The following TMEM163 variants were observed in gnomAD, a reference collection of about 807,000 sequenced individuals.
The protein encoded by TMEM163 is transmembrane protein 163.
In TMEM163, 17 loss-of-function variants were observed where a neutral mutation model predicts 29.3. The ratio of observed to expected loss-of-function variants is 0.58; its 90% CI spans 0.40 to 0.87. The LOEUF (loss-of-function observed/expected upper bound fraction) is 0.87, where lower values mean the gene tolerates loss of function less well. TMEM163 is among the 40% of genes least tolerant of loss of function. The pLI is 0.00. For missense variants in TMEM163, 303 were observed against 381.5 expected (o/e 0.79, Z 1.71); for synonymous variants, 157 against 160.6 (o/e 0.98, Z 0.17).
intron 2 of TMEM163, among the ~76,000 whole-genome samples, chr2:134,633,550 A>G (rs1683027413): frequency 6.6e-6 from 1 of 152,232 alleles, no homozygotes; most frequent in African/African-American, 2.4e-5. Context: ...GATCAGGTCC[A>G]CAATTTAGTT....
At chr2:134,464,802 A>C (rs963367697) in intron 6 of TMEM163, among the ~76,000 whole-genome samples, 19 of 152,018 alleles carry the variant, frequency 1.2e-4, no homozygotes, top group African/African-American at 4.1e-4. Context: ...ACCTCTGCAG[A>C]TGGATTCTTG....
At chr2:134,476,220 A>G (rs910102990) in intron 5 of TMEM163, among the ~76,000 whole-genome samples, 1 of 152,254 alleles carries the variant, frequency 6.6e-6, no homozygotes, top group Non-Finnish European at 1.5e-5. Flanking sequence ...AAAAGAAGAT[A>G]GACACAAGAG....
chr2:134,506,502 G>C (rs1679826901), intron 4 of TMEM163, among the ~76,000 whole-genome samples: 1 of 152,180 alleles, frequency 6.6e-6, no homozygotes, highest in Non-Finnish European at 1.5e-5. Context: ...GGTGGGGAGA[G>C]AGGTGTTTTA....
At chr2:134,475,649 T>C (rs1252407084) in intron 5 of TMEM163, among the ~76,000 whole-genome samples, 1 of 152,034 alleles carries the variant, frequency 6.6e-6, no homozygotes, top group African/African-American at 2.4e-5. Context: ...AGAAAACAGA[T>C]GACTCAATTA....
chr2:134,550,456 CCTT>C, intron 4 of TMEM163, 111 bp downstream of exon 4: 3 of 959,410 alleles, frequency 3.1e-6, no homozygotes, highest in Non-Finnish European at 4.8e-6. Flanking sequence ...AACCTGGGGA[CCTT>C]CTTCTCATCA....
chr2:134,555,733 A>G (rs1437548861), intron 2 of TMEM163, among the ~76,000 whole-genome samples: 2 of 152,200 alleles, frequency 1.3e-5, no homozygotes, highest in Admixed American at 1.3e-4. Context: ...GGCTTTTATT[A>G]TTAATTTATT....
At chr2:134,494,569 T>C (rs1679503731) in intron 5 of TMEM163, among the ~76,000 whole-genome samples, 1 of 152,020 alleles carries the variant, frequency 6.6e-6, no homozygotes, top group Non-Finnish European at 1.5e-5. Flanking sequence ...CTTAATCTTC[T>C]AGAACCAGAG....
intron 5 of TMEM163, among the ~76,000 whole-genome samples, chr2:134,494,751 T>C (rs148693977): frequency 1.3e-5 from 2 of 152,334 alleles, no homozygotes; most frequent in East Asian, 3.9e-4. Flanking sequence ...ACAAAGAAAC[T>C]GAGGCAGAGA....
chr2:134,650,363 G>A (rs1017442391), intron 2 of TMEM163, among the ~76,000 whole-genome samples: 1 of 151,624 alleles, frequency 6.6e-6, no homozygotes, highest in Non-Finnish European at 1.5e-5. Context: ...AAATAATAAG[G>A]TTGAAGCAGC....
At chr2:134,493,412 C>A (rs561100311) in intron 5 of TMEM163, among the ~76,000 whole-genome samples, 136 of 112,014 alleles carry the variant, frequency 1.2e-3, no homozygotes, top group Non-Finnish European at 1.7e-3. Context: ...CTCACTCTGT[C>A]GCCCAGTCTG....
At position 134,460,622 on chromosome 2, in the gene TMEM163, C is replaced by T. The variant is rs34581448; in HGVS notation, c.668-2449G>A. Among the ~76,000 whole-genome samples, 5,679 of 152,236 alleles carry T rather than the reference C, an allele frequency of 0.037. 168 individuals carry two copies. Among genetic ancestry groups the T allele is most frequent in the South Asian group, 0.13 (616 of 4,818 alleles). On this transcript the variant is annotated intron_variant, in intron 6 of 7. Coordinates refer to ENST00000281924, the MANE Select transcript of TMEM163 (RefSeq NM_030923.5). This position sits in a 1 kb window ranked among gnomAD's most constrained non-coding sequence, Gnocchi z 4.3. ...CTGAGCGCCACCCCTGCCTGGCTCCCGCAGACAGTCACCCCAGGAGAAGCA... is the reference window on the plus strand; with the variant it reads ...CTGAGCGCCACCCCTGCCTGGCTCCTGCAGACAGTCACCCCAGGAGAAGCA...
chr2:134,640,182 A>C (rs750755003), intron 2 of TMEM163, among the ~76,000 whole-genome samples: 80 of 152,298 alleles, frequency 5.3e-4, no homozygotes, highest in Non-Finnish European at 9.8e-4. Context: ...AAGGCAGAAA[A>C]GGAAGGGATG....
intron 5 of TMEM163, among the ~76,000 whole-genome samples, chr2:134,476,379 C>T (rs541305842): frequency 6.6e-6 from 1 of 152,268 alleles, no homozygotes; most frequent in South Asian, 2.1e-4. Context: ...TCTATATCTT[C>T]ATTGTGGTGG....
At chr2:134,529,764 C>CA (rs767848688) in intron 4 of TMEM163, among the ~76,000 whole-genome samples, 169 of 142,828 alleles carry the variant, frequency 1.2e-3, no homozygotes, top group South Asian at 1.8e-3. Context: ...GACCCTACCT[C>CA]AAAAAAAAAA....
At chr2:134,621,514 G>A (rs1682733321) in intron 2 of TMEM163, among the ~76,000 whole-genome samples, 1 of 152,156 alleles carries the variant, frequency 6.6e-6, no homozygotes, top group Admixed American at 6.5e-5. Flanking sequence ...TCCATGCAAA[G>A]CCTTGTATGC....
intron 2 of TMEM163, among the ~76,000 whole-genome samples, chr2:134,696,911 G>C (rs912229668): frequency 6.6e-6 from 1 of 152,090 alleles, no homozygotes; most frequent in African/African-American, 2.4e-5. Context: ...GAGTAGCTGG[G>C]ATTACAGGCA....
chr2:134,500,775 T>A (rs1679680611), intron 5 of TMEM163, among the ~76,000 whole-genome samples: 1 of 151,054 alleles, frequency 6.6e-6, no homozygotes, highest in Admixed American at 6.6e-5. Flanking sequence ...TAGAAAGAGG[T>A]GATTGTGTAA....
intron 2 of TMEM163, among the ~76,000 whole-genome samples, chr2:134,581,094 A>G (rs989610768): frequency 6.6e-6 from 1 of 152,220 alleles, no homozygotes; most frequent in African/African-American, 2.4e-5. Context: ...CAACAGAATC[A>G]GGGCAGGAGG....
intron 4 of TMEM163, among the ~76,000 whole-genome samples, chr2:134,536,916 GC>G (rs1414455802): frequency 1.3e-5 from 2 of 152,170 alleles, no homozygotes; most frequent in Non-Finnish European, 2.9e-5. Context: ...TCAATTATCA[GC>G]AGATGATCAC....
Sources: allele counts gnomAD v4.1 joint callset (sites outside exome capture counted in the v4.1 genomes callset), GRCh38; gene constraint gnomAD v4.1.1; non-coding constraint Gnocchi (gnomAD v3.1); transcripts MANE v1.5; gene names NCBI Gene and HGNC (gene_info 2026-07-23, HGNC 2026-07-21).